The following PTPRN2 variants were observed in gnomAD, a reference collection of about 807,000 sequenced individuals.
The protein encoded by PTPRN2 is receptor-type tyrosine-protein phosphatase N2.
A neutral mutation model predicts 118.8 loss-of-function variants in PTPRN2; 74 were observed. The observed-to-expected ratio is 0.62, with a 90% CI of 0.52 to 0.76. The LOEUF is 0.76. Among genes scored for constraint, PTPRN2 ranks in the 30% least tolerant of loss-of-function variants. The pLI is 0.00. For missense variants in PTPRN2, 1,481 were observed against 1,394.4 expected, an observed-to-expected ratio of 1.06 and a Z score of -0.99; for synonymous variants, 641 against 608.0, an observed-to-expected ratio of 1.05 and a Z score of -0.80.
intron 6 of PTPRN2, among the ~76,000 whole-genome samples, chr7:158,143,703 C>T (rs1193827126): frequency 6.6e-6 from 1 of 152,196 alleles, no homozygotes; most frequent in Non-Finnish European, 1.5e-5. Context: ...GAGGCCTCGT[C>T]TGGGGCAAAG....
chr7:157,561,748 C>T (rs1317624014), intron 21 of PTPRN2, among the ~76,000 whole-genome samples: 1 of 152,250 alleles, frequency 6.6e-6, no homozygotes, highest in Non-Finnish European at 1.5e-5. Context: ...ATCTCTGCAT[C>T]TGGGAGTGTC....
rs1798534528 is a variant in PTPRN2, at chr7:157,550,387, G to A, written c.2903-1368C>T. On this transcript the variant is annotated intron_variant, in intron 21 of 22. Transcript: ENST00000389418. This position sits in a 1 kb window ranked among gnomAD's most constrained non-coding sequence, Gnocchi z 5.2. Reference sequence around the variant, plus strand: ...GGCAGGGGTGGCGGGGAGGCCTGGGGAGGACACACGTTGGAACCAAATGTC... The same window carrying A: ...GGCAGGGGTGGCGGGGAGGCCTGGGAAGGACACACGTTGGAACCAAATGTC... Among the ~76,000 whole-genome samples, 1 of 152,226 alleles carries A rather than the reference G, an allele frequency of 6.6e-6. No individual in the cohort carries two copies. The highest frequency in any genetic ancestry group is 6.5e-5 in the Admixed American group (1 of 15,286).
rs1803224526 is a variant in PTPRN2, at chr7:157,621,370, A to AC, written c.2335dup (p.Val779GlyfsTer5). On this transcript the variant is annotated frameshift_variant, in exon 15 of 23. Transcript: ENST00000389418. LOFTEE classifies it high-confidence loss of function. ...CCGGGGCTGGTACGTACAGGTCAGC[A>AC]CGGCCAGGGAGCGGTTCTTGGGCAC... 1.2e-6 allele frequency: 2 copies of AC among 1,611,916 alleles called. No homozygotes were observed. Among genetic ancestry groups the AC allele is most frequent in the Admixed American group, 1.7e-5 (1 of 59,956 alleles).
chr7:158,482,888 C>T (rs56356347), intron 2 of PTPRN2, among the ~76,000 whole-genome samples: 37,848 of 152,080 alleles, frequency 0.25, 4,860 homozygotes, highest in South Asian at 0.34. Flanking sequence ...CTCGAGAAAA[C>T]GGCAGAAGCA....
chr7:157,836,938 C>T (rs1171669944), intron 12 of PTPRN2, among the ~76,000 whole-genome samples: 2 of 151,658 alleles, frequency 1.3e-5, no homozygotes, highest in African/African-American at 4.8e-5. Context: ...CACCTATCCA[C>T]TCACCACCAC....
chr7:157,839,908 G>A (rs1808251422), intron 12 of PTPRN2, among the ~76,000 whole-genome samples: 1 of 151,646 alleles, frequency 6.6e-6, no homozygotes. Context: ...GTGTGACTGT[G>A]TGGCCATATG....
chr7:158,563,015 A>G lies in PTPRN2; in HGVS notation c.112+24543T>C, dbSNP rs550253677. Among the ~76,000 whole-genome samples the G allele has an allele frequency of 3.9e-5, 6 of 152,306 alleles. No homozygotes were observed. Among genetic ancestry groups the G allele is most frequent in the African/African-American group, 9.6e-5 (4 of 41,574 alleles). On this transcript the variant is annotated intron_variant, in intron 1 of 22. Coordinates refer to ENST00000389418, the MANE Select transcript of PTPRN2 (RefSeq NM_002847.5). This position sits in a 1 kb window ranked among gnomAD's most constrained non-coding sequence, Gnocchi z 5.1. ...AATGTTTCCTGGCCCAGGAAAACCT[A>G]CATTGAGGGGGCAGGGTGTGGTCCT...
In PTPRN2 at chr7:158,502,609, C is replaced by T. The variant is rs530820591; in HGVS notation, c.113-12824G>A. On this transcript the variant is annotated intron_variant, in intron 1 of 22. Transcript: ENST00000389418. ...CGGAAAAGGCTGTGTCAAGTGGTCT[C>T]ACATCCCCCAGTTCACACAGCGAGG... Among the ~76,000 whole-genome samples, 3 of 152,372 alleles carry T rather than the reference C, an allele frequency of 2.0e-5. No homozygotes were observed. In the South Asian group the frequency reaches 6.2e-4, roughly 32 times the overall value.
chr7:157,702,064 C>G (rs1053663203), intron 12 of PTPRN2, among the ~76,000 whole-genome samples: 2 of 150,060 alleles, frequency 1.3e-5, no homozygotes, highest in South Asian at 4.3e-4. Flanking sequence ...GTGTAACTGA[C>G]GTGGGCTGTG....
intron 13 of PTPRN2, among the ~76,000 whole-genome samples, chr7:157,659,833 C>G (rs1795807504): frequency 6.6e-6 from 1 of 152,122 alleles, no homozygotes; most frequent in South Asian, 2.1e-4. Flanking sequence ...CAGCCTCCAC[C>G]TCCTGGGTTC....
At chr7:158,149,607 A>T (rs1000816321) in intron 6 of PTPRN2, among the ~76,000 whole-genome samples, 2 of 152,172 alleles carry the variant, frequency 1.3e-5, no homozygotes, top group Non-Finnish European at 2.9e-5. Flanking sequence ...GTTCGAGACC[A>T]GCCTGGCCAA....
intron 12 of PTPRN2, among the ~76,000 whole-genome samples, chr7:157,751,417 G>A (rs900602357): frequency 6.6e-6 from 1 of 152,208 alleles, no homozygotes; most frequent in Non-Finnish European, 1.5e-5. Context: ...TTAAATGTCA[G>A]ATGTAATTTA....
At chr7:158,560,345 G>A (rs1484688112) in intron 1 of PTPRN2, among the ~76,000 whole-genome samples, 1 of 152,240 alleles carries the variant, frequency 6.6e-6, no homozygotes, top group Non-Finnish European at 1.5e-5. Flanking sequence ...ACCCAGAAGT[G>A]GGCGTGTTTT....
chr7:158,080,340 AAC>A (rs1563405343), intron 11 of PTPRN2, among the ~76,000 whole-genome samples: 4 of 123,808 alleles, frequency 3.2e-5, no homozygotes, highest in African/African-American at 1.3e-4. Flanking sequence ...AAAAAAAAAA[AAC>A]AAGTTCATAG....
At chr7:158,227,350 G>A (rs1192088457) in intron 3 of PTPRN2, among the ~76,000 whole-genome samples, 1 of 152,104 alleles carries the variant, frequency 6.6e-6, no homozygotes, top group Non-Finnish European at 1.5e-5. Context: ...TTTCAAACGC[G>A]GTAATACTGA....
chr7:158,004,255 TGA>T (rs764096076), intron 11 of PTPRN2, among the ~76,000 whole-genome samples: 3 of 152,122 alleles, frequency 2.0e-5, no homozygotes, highest in Non-Finnish European at 4.4e-5. Flanking sequence ...TCCCAGAGGA[TGA>T]GAGAGGGAAC....
chr7:157,656,536 G>T lies in PTPRN2; in HGVS notation c.2017C>A (p.Arg673Ser), dbSNP rs750017725. The change falls in exon 14 of 23, where the codon CGT (arginine) becomes AGT (serine). Residue 673 changes from arginine (R) to serine (S), a missense_variant. Arg to Ser is a moderately radical substitution (Grantham distance 110). Coordinates refer to ENST00000389418, the MANE Select transcript of PTPRN2 (RefSeq NM_002847.5). The part of the protein sequence containing the change: ...TAAYQELCRQ[R>S]MATRPPDRPE... Reference sequence around the variant, plus strand: ...CGGTCTGGTGGCCGCGTGGCCATACGCTGGCGGCACAGCTCCTGCAGGACA... The same window carrying T: ...CGGTCTGGTGGCCGCGTGGCCATACTCTGGCGGCACAGCTCCTGCAGGACA... 1.3e-6 allele frequency: 2 copies of T among 1,542,846 alleles called. No homozygotes were observed. The highest frequency in any genetic ancestry group is 4.8e-5 in the East Asian group (2 of 41,474).
chr7:157,568,018 A>G (rs1799573595), intron 21 of PTPRN2, among the ~76,000 whole-genome samples: 1 of 152,138 alleles, frequency 6.6e-6, no homozygotes, highest in Non-Finnish European at 1.5e-5. Flanking sequence ...CTATTTAAAG[A>G]GATGACCTTA....
intron 12 of PTPRN2, chr7:157,863,533 T>G (rs376375528): frequency 6.6e-6 from 1 of 152,238 alleles, no homozygotes; most frequent in Non-Finnish European, 1.5e-5. Context: ...CAACTGGTTT[T>G]CAAAAGAAAA....
Sources: gnomAD v4.1 joint callset for allele counts (sites outside exome capture counted in the v4.1 genomes callset) on GRCh38, gnomAD v4.1.1 for gene constraint, Gnocchi (gnomAD v3.1) non-coding constraint, MANE v1.5 for transcripts, NCBI Gene and HGNC (gene_info 2026-07-23, HGNC 2026-07-21) for gene names.